ZNF592: variants seen among roughly 807,000 people sequenced by gnomAD.
ZNF592 encodes spinocerebellar ataxia, autosomal recessive 5.
A neutral mutation model predicts 80.3 loss-of-function variants in ZNF592; 11 were observed. The observed-to-expected ratio is 0.14, with a 90% CI of 0.09 to 0.23. The LOEUF is 0.23. Ranked by LOEUF, ZNF592 falls within the 10% of genes least tolerant of loss-of-function variation. ZNF592 has a pLI of 1.00. For synonymous variants in ZNF592, 646 were observed against 640.3 expected (o/e 1.01, Z -0.13); for missense variants, 1,420 against 1,633.9 (o/e 0.87, Z 2.26).
At chr15:84,764,025 T>C (rs2141966925) in intron 1 of ZNF592, among the ~76,000 whole-genome samples, 1 of 152,336 alleles carries the variant, frequency 6.6e-6, no homozygotes, top group Admixed American at 6.5e-5. Flanking sequence ...ACCCTCATTC[T>C]CATCACCTGC....
rs1481281928 is a variant in ZNF592 at position 84,803,076 on chromosome 15, A to G, written c.*683A>G. On this transcript the variant is annotated 3_prime_UTR_variant, in exon 11 of 11. Coordinates refer to ENST00000560079, the MANE Select transcript of ZNF592 (RefSeq NM_014630.3). Reference sequence around the variant, plus strand: ...AGCAGGAGGTAAGGCAAAGGCAGGCAGGCACCAAGAACCAGACCCCTTGAG... The same window carrying G: ...AGCAGGAGGTAAGGCAAAGGCAGGCGGGCACCAAGAACCAGACCCCTTGAG... 6.6e-6 allele frequency: 1 copy of G among 152,474 alleles called. No individual in the cohort carries two copies. The highest frequency in any genetic ancestry group is 1.5e-5 in the Non-Finnish European group (1 of 68,218). 9.4% of individuals were successfully genotyped at this position (152,474 alleles called of 1,614,324 possible). A position where few individuals can be genotyped will look rare whatever the true frequency, so the allele number is the denominator to read the frequency against.
In ZNF592 at chr15:84,773,695, A is replaced by G. The variant is rs370341307; in HGVS notation, c.-149-4488A>G. ...ATTATGAGGTTTGATGAACAAACCTATAAGTTAGTTATACTTTCCCCTTTC... is the reference window on the plus strand; with the variant it reads ...ATTATGAGGTTTGATGAACAAACCTGTAAGTTAGTTATACTTTCCCCTTTC... On this transcript the variant is annotated intron_variant, in intron 2 of 10. Transcript: ENST00000560079. Among the ~76,000 whole-genome samples the G allele has an allele frequency of 7.2e-5, 11 of 152,170 alleles. No homozygotes were observed. In the East Asian group the frequency reaches 1.7e-3, roughly 24 times the overall value.
intron 1 of ZNF592, among the ~76,000 whole-genome samples, chr15:84,753,703 C>T (rs907637166): frequency 2.0e-5 from 3 of 152,202 alleles, no homozygotes; most frequent in Non-Finnish European, 2.9e-5. Flanking sequence ...GAACTCCTGA[C>T]CTCAAATGAT....
At chr15:84,750,100 G>C (rs929723779) in intron 1 of ZNF592, among the ~76,000 whole-genome samples, 7 of 152,202 alleles carry the variant, frequency 4.6e-5, no homozygotes, top group Non-Finnish European at 4.4e-5. Context: ...TCAGGAGTTC[G>C]AGACCAGCCT....
In ZNF592 at chr15:84,777,694, C is replaced by CCTTTTTTTTTTTTTTTTTT. The variant is rs1432630650; in HGVS notation, c.-149-489_-149-488insCTTTTTTTTTTTTTTTTTT. 3.0e-5 allele frequency among the ~76,000 whole-genome samples: 3 copies of CCTTTTTTTTTTTTTTTTTT among 98,414 alleles called. 1 individual carries two copies. The highest frequency in any genetic ancestry group is 6.0e-5 in the Non-Finnish European group (3 of 50,148). The allele number at this position is 98,414 out of a possible 152,430, so 64.6% of individuals were successfully genotyped here. On this transcript the variant is annotated intron_variant, in intron 2 of 10. Transcript: ENST00000560079. ...GAAAATAATTTCGTCTGTTGAGATA[C>CCTTTTTTTTTTTTTTTTTT]TTTTTTTTTTTTTTTTTTTTTTTGA...
chr15:84,758,438 A>G (rs1021318125), intron 1 of ZNF592, among the ~76,000 whole-genome samples: 4 of 151,512 alleles, frequency 2.6e-5, no homozygotes, highest in South Asian at 2.1e-4. Context: ...GTGCACCACC[A>G]CACCAACTAA....
chr15:84,797,848 C>T (rs778184424), intron 5 of ZNF592, 21 bp from the exon 6 acceptor site: 2 of 1,614,060 alleles, frequency 1.2e-6, no homozygotes, highest in Admixed American at 1.7e-5. Flanking sequence ...CCCACACTCA[C>T]ACTACCCCAC....
intron 5 of ZNF592, among the ~76,000 whole-genome samples, chr15:84,796,221 C>CAAAAA (rs753718341): frequency 7.9e-5 from 2 of 25,422 alleles, no homozygotes; most frequent in African/African-American, 2.8e-4. Context: ...GACTCTGTCT[C>CAAAAA]AAAAAAAAAA....
At chr15:84,792,149 A>G (rs1030001116) in intron 5 of ZNF592, among the ~76,000 whole-genome samples, 12 of 152,200 alleles carry the variant, frequency 7.9e-5, no homozygotes, top group South Asian at 4.1e-4. Context: ...CACTGAAGGC[A>G]TGATCGTGGG....
At chr15:84,773,079 G>T (rs549939656) in intron 2 of ZNF592, among the ~76,000 whole-genome samples, 130 of 152,130 alleles carry the variant, frequency 8.5e-4, no homozygotes, top group African/African-American at 2.8e-3. Context: ...TTTATTTTTA[G>T]ATTTGAATAT....
Position 84,783,382 on chromosome 15 carries a change from G to T in ZNF592, c.707G>T (p.Arg236Leu), listed in dbSNP as rs768712361. Residue 236 changes from arginine (R) to leucine (L), a missense_variant, in exon 4 of 11, where the codon CGA (arginine) becomes CTA (leucine). Coordinates refer to ENST00000560079, the MANE Select transcript of ZNF592 (RefSeq NM_014630.3). The surrounding 1 kb of genome is among the most constrained non-coding windows in gnomAD (Gnocchi z 5.0). The stretch of plus-strand genomic sequence containing the variant: ...CCTCACAAGGATCCGGATGCCACTC[G>T]ATTCTTCGGGGAAGCTTTGGAGTTC... Reference protein sequence around the residue: ...VEPHKDPDATRFFGEALEFNS... With the variant: ...VEPHKDPDATLFFGEALEFNS... 6.2e-7 allele frequency: 1 copy of T among 1,614,210 alleles called. No homozygotes were observed. Among genetic ancestry groups the T allele is most frequent in the Non-Finnish European group, 8.5e-7 (1 of 1,180,054 alleles).
At chr15:84,776,246 C>G (rs1010581973) in intron 2 of ZNF592, among the ~76,000 whole-genome samples, 4 of 152,250 alleles carry the variant, frequency 2.6e-5, no homozygotes, top group South Asian at 2.1e-4. Flanking sequence ...GGACATGGCT[C>G]TGGTCCCTGA....
At chr15:84,779,803 G>A (rs775934969) in intron 3 of ZNF592, among the ~76,000 whole-genome samples, 1 of 152,000 alleles carries the variant, frequency 6.6e-6, no homozygotes, top group Admixed American at 6.6e-5. Context: ...CTTTACTTCT[G>A]ATCTAATCTT....
In ZNF592 at chr15:84,784,953, CTG is replaced by C; in HGVS notation, c.2220+59_2220+60del. 1 of 1,596,488 alleles carries C rather than the reference CTG, an allele frequency of 6.3e-7. No homozygotes were observed. Among genetic ancestry groups the C allele is most frequent in the Non-Finnish European group, 8.6e-7 (1 of 1,164,946 alleles). On this transcript the variant is annotated intron_variant, in intron 4 of 10. Coordinates refer to ENST00000560079, the MANE Select transcript of ZNF592 (RefSeq NM_014630.3). This position sits in a 1 kb window ranked among gnomAD's most constrained non-coding sequence, Gnocchi z 5.8. ...CCCCTGGCTCACACAGGTTCCATGA[CTG>C]GGCATGGAGAGGAAAGCTCATTGAT...
At chr15:84,756,481 A>T (rs1017704578) in intron 1 of ZNF592, among the ~76,000 whole-genome samples, 2 of 152,198 alleles carry the variant, frequency 1.3e-5, no homozygotes, top group Non-Finnish European at 2.9e-5. Flanking sequence ...CATCTCAGGG[A>T]CATTGTAGGG....
At chr15:84,788,171 C>G (rs1333169854) in intron 4 of ZNF592, among the ~76,000 whole-genome samples, 1 of 152,146 alleles carries the variant, frequency 6.6e-6, no homozygotes, top group Non-Finnish European at 1.5e-5. Flanking sequence ...TGTTTCATAA[C>G]TTAAGGAGGC....
chr15:84,789,441 T>C (rs1276679350), intron 4 of ZNF592, among the ~76,000 whole-genome samples: 1 of 152,200 alleles, frequency 6.6e-6, no homozygotes. Context: ...GTCTTTTTGG[T>C]ACACACCCAG....
intron 2 of ZNF592, among the ~76,000 whole-genome samples, chr15:84,772,010 T>C (rs2141974974): frequency 1.3e-5 from 2 of 152,278 alleles, no homozygotes; most frequent in Middle Eastern, 3.4e-3. Flanking sequence ...TTAGTTTAAT[T>C]TTACATACTA....
Position 84,799,014 on chromosome 15 carries a change from C to T in ZNF592, c.3025-84C>T. ...GAGGTCTTCGGGAGTATCCTCCTTT[C>T]TGCCCATGGCATCTGAGAAGAAAAA... On this transcript the variant is annotated intron_variant, in intron 8 of 10. Transcript: ENST00000560079. The surrounding 1 kb of genome is among the most constrained non-coding windows in gnomAD (Gnocchi z 4.2). 1 of 1,593,334 alleles carries T rather than the reference C, an allele frequency of 6.3e-7. No individual in the cohort carries two copies. Among genetic ancestry groups the T allele is most frequent in the Non-Finnish European group, 8.6e-7 (1 of 1,161,532 alleles).
Sources: allele counts gnomAD v4.1 joint callset (sites outside exome capture counted in the v4.1 genomes callset), GRCh38; gene constraint gnomAD v4.1.1; non-coding constraint Gnocchi (gnomAD v3.1); transcripts MANE v1.5; gene names NCBI Gene and HGNC (gene_info 2026-07-23, HGNC 2026-07-21).